Variants in CAMK4 observed in about 807,000 individuals in gnomAD.
CAMK4 encodes the protein calcium/calmodulin-dependent protein kinase type IV.
A neutral mutation model predicts 44.9 loss-of-function variants in CAMK4; 22 were observed. The ratio of observed to expected loss-of-function variants is 0.49; its 90% CI spans 0.35 to 0.70. CAMK4 has a LOEUF of 0.70. Among genes scored for constraint, CAMK4 ranks in the 30% least tolerant of loss-of-function variants. The pLI is 0.01. For synonymous variants in CAMK4, 218 were observed against 215.4 expected (o/e 1.01, Z -0.11); for missense variants, 498 against 586.8 (o/e 0.85, Z 1.56).
At chr5:111,372,595 G>A (rs953423590) in intron 2 of CAMK4, among the ~76,000 whole-genome samples, 2 of 152,098 alleles carry the variant, frequency 1.3e-5, no homozygotes, top group Non-Finnish European at 2.9e-5. Flanking sequence ...TATGTCTGCA[G>A]ATAGATCTAC....
At chr5:111,376,251 G>A (rs150401800) in intron 3 of CAMK4, among the ~76,000 whole-genome samples, 224 of 151,678 alleles carry the variant, frequency 1.5e-3, no homozygotes, top group African/African-American at 5.0e-3. Context: ...CTAGATTCTC[G>A]TATATATGGA....
chr5:111,456,247 A>C (rs541172646), intron 7 of CAMK4, among the ~76,000 whole-genome samples: 1 of 152,060 alleles, frequency 6.6e-6, no homozygotes, highest in South Asian at 2.1e-4. Flanking sequence ...CACGACTGTA[A>C]TCCCAGCACT....
intron 1 of CAMK4, among the ~76,000 whole-genome samples, chr5:111,319,430 A>G (rs959970210): frequency 1.1e-4 from 17 of 152,188 alleles, no homozygotes; most frequent in Non-Finnish European, 1.5e-5. Flanking sequence ...GCTGTATATC[A>G]TAATATCCCT....
intron 2 of CAMK4, among the ~76,000 whole-genome samples, chr5:111,367,922 T>A (rs922757280): frequency 1.3e-5 from 2 of 152,066 alleles, no homozygotes; most frequent in African/African-American, 2.4e-5. Flanking sequence ...TCTTTATAGC[T>A]CATTAGGATG....
At chr5:111,409,637 C>T (rs959597944) in intron 5 of CAMK4, among the ~76,000 whole-genome samples, 1 of 152,198 alleles carries the variant, frequency 6.6e-6, no homozygotes, top group African/African-American at 2.4e-5. Flanking sequence ...ATGGGGTTTT[C>T]TTTTCTATCA....
At chr5:111,431,349 CA>C (rs1157507813) in intron 5 of CAMK4, among the ~76,000 whole-genome samples, 1 of 152,038 alleles carries the variant, frequency 6.6e-6, no homozygotes, top group Non-Finnish European at 1.5e-5. Context: ...TTGCTGTATA[CA>C]AAAATTAAAT....
intron 5 of CAMK4, among the ~76,000 whole-genome samples, chr5:111,440,750 G>C (rs1753794473): frequency 1.3e-5 from 2 of 152,084 alleles, no homozygotes; most frequent in Admixed American, 6.6e-5. Flanking sequence ...GAGATTTTTG[G>C]CAGCAAAACA....
intron 5 of CAMK4, among the ~76,000 whole-genome samples, chr5:111,430,954 C>A (rs1032142114): frequency 1.3e-5 from 2 of 152,022 alleles, no homozygotes; most frequent in Non-Finnish European, 2.9e-5. Flanking sequence ...AAAAAACACT[C>A]CTAAATTTTA....
intron 5 of CAMK4, among the ~76,000 whole-genome samples, chr5:111,414,307 A>G (rs903086953): frequency 2.0e-5 from 3 of 152,184 alleles, no homozygotes; most frequent in African/African-American, 7.2e-5. Context: ...TTAAGCAAAT[A>G]TATCTAAACC....
chr5:111,400,140 T>A (rs994961398), intron 5 of CAMK4, among the ~76,000 whole-genome samples: 1 of 151,856 alleles, frequency 6.6e-6, no homozygotes, highest in Non-Finnish European at 1.5e-5. Context: ...TTTGTTTTTT[T>A]TTGTCACTAA....
intron 1 of CAMK4, among the ~76,000 whole-genome samples, chr5:111,239,843 C>A (rs182700372): frequency 5.3e-5 from 8 of 152,298 alleles, no homozygotes; most frequent in African/African-American, 1.9e-4. Flanking sequence ...TCTGGAAATG[C>A]GTTGGCAGGA....
chr5:111,414,561 G>T (rs960076178), intron 5 of CAMK4, among the ~76,000 whole-genome samples: 1 of 151,972 alleles, frequency 6.6e-6, no homozygotes, highest in Non-Finnish European at 1.5e-5. Context: ...AGGGCAATAA[G>T]ACATGACATA....
chr5:111,414,269 G>A (rs1165528990), intron 5 of CAMK4, among the ~76,000 whole-genome samples: 1 of 152,126 alleles, frequency 6.6e-6, no homozygotes, highest in East Asian at 1.9e-4. Context: ...TTAGTTCTTT[G>A]TACCAGTAGA....
chr5:111,468,929 G>A (rs2112479767), intron 7 of CAMK4, among the ~76,000 whole-genome samples: 2 of 151,824 alleles, frequency 1.3e-5, no homozygotes, highest in East Asian at 3.9e-4. Context: ...AGTGAGCTGA[G>A]ATCGTGCCGC....
intron 5 of CAMK4, among the ~76,000 whole-genome samples, chr5:111,427,633 T>C (rs990361643): frequency 3.3e-5 from 5 of 152,212 alleles, no homozygotes; most frequent in African/African-American, 1.2e-4. Flanking sequence ...GAGGTGGTAG[T>C]GGCTATGGGC....
At chr5:111,453,461 G>T (rs576011518) in intron 7 of CAMK4, among the ~76,000 whole-genome samples, 1 of 152,080 alleles carries the variant, frequency 6.6e-6, no homozygotes, top group Non-Finnish European at 1.5e-5. Context: ...CATCAGTCTG[G>T]CATGTATCTT....
At chr5:111,362,935 A>G (rs373803224) in intron 2 of CAMK4, among the ~76,000 whole-genome samples, 4 of 152,200 alleles carry the variant, frequency 2.6e-5, no homozygotes, top group East Asian at 3.9e-4. Flanking sequence ...TCTAATCTCT[A>G]TCATTTCATT....
intron 5 of CAMK4, among the ~76,000 whole-genome samples, chr5:111,424,939 A>G (rs1313666547): frequency 2.6e-5 from 4 of 152,018 alleles, no homozygotes; most frequent in African/African-American, 7.2e-5. Context: ...AGAGGTGGGC[A>G]GATCACCTGA....
intron 1 of CAMK4, among the ~76,000 whole-genome samples, chr5:111,248,190 T>C (rs545542303): frequency 3.9e-5 from 6 of 152,354 alleles, no homozygotes; most frequent in Admixed American, 3.3e-4. Flanking sequence ...TTTGGAATCA[T>C]ATCTTCTGTC....
Sources: gnomAD v4.1 joint callset for allele counts (sites outside exome capture counted in the v4.1 genomes callset) on GRCh38, gnomAD v4.1.1 for gene constraint, MANE v1.5 for transcripts, NCBI Gene and HGNC (gene_info 2026-07-23, HGNC 2026-07-21) for gene names.